HEXA: variants seen among roughly 807,000 people sequenced by gnomAD.
HEXA encodes hexosaminidase subunit alpha.
A neutral mutation model predicts 73.3 loss-of-function variants in HEXA; 54 were observed. The ratio of observed to expected loss-of-function variants is 0.74; its 90% confidence interval spans 0.59 to 0.92. HEXA has a LOEUF of 0.92. Among genes scored for constraint, HEXA ranks in the 40% least tolerant of loss-of-function variants. The pLI is 0.00. For missense variants in HEXA, 649 were observed against 653.0 expected, an observed-to-expected ratio of 0.99 and a Z score of 0.07; for synonymous variants, 230 against 246.9, an observed-to-expected ratio of 0.93 and a Z score of 0.64.
chr15:72,374,348 C>G (rs2089030948), intron 1 of HEXA, among the ~76,000 whole-genome samples: 1 of 152,206 alleles, frequency 6.6e-6, no homozygotes, highest in Non-Finnish European at 1.5e-5. Flanking sequence ...ATCTACCACA[C>G]TCAACAGCAG....
chr15:72,344,864 G>C (rs1206851725), intron 13 of HEXA, among the ~76,000 whole-genome samples: 1 of 152,170 alleles, frequency 6.6e-6, no homozygotes, highest in African/African-American at 2.4e-5. Context: ...CAGAGGCAAA[G>C]GTGTCATGAC....
intron 6 of HEXA, 127 bp from the exon 7 acceptor site, chr15:72,350,777 C>T: frequency 2.0e-6 from 2 of 1,008,062 alleles, no homozygotes; most frequent in Admixed American, 4.1e-5. Context: ...GTGTCAGGGA[C>T]TATCTTCAAA....
At chr15:72,355,811 G>A (rs1567300397) in intron 2 of HEXA, 187 bp from the exon 3 acceptor site, 2 of 628,374 alleles carry the variant, frequency 3.2e-6, no homozygotes, top group African/African-American at 1.8e-5. Flanking sequence ...TCTGGGGCCA[G>A]AGTGGGAGGG....
chr15:72,346,589 T>C lies in HEXA; in HGVS notation c.1268A>G (p.Asn423Ser). The C allele has an allele frequency of 6.2e-7, 1 of 1,614,042 alleles. No individual in the cohort carries two copies. Among genetic ancestry groups the C allele is most frequent in the South Asian group, 1.1e-5 (1 of 91,082 alleles). The stretch of plus-strand genomic sequence containing the variant: ...CCAGTCAGGGCCATAGGATATACGG[T>C]TCAGGTACCAGGGGGCAGAGAGAAG... The part of the protein sequence containing the change: ...RALLSAPWYL[N>S]RISYGPDWKD... The change falls in exon 11 of 14, where the codon AAC becomes AGC. Residue 423 changes from asparagine (N) to serine (S), a missense_variant. Asn to Ser is a conservative substitution (Grantham distance 46). Transcript: ENST00000268097.
At chr15:72,350,318 G>C in intron 7 of HEXA, 200 bp downstream of exon 7, 1 of 657,798 alleles carries the variant, frequency 1.5e-6, no homozygotes, top group Non-Finnish European at 2.7e-6. Context: ...TAGTCTAACA[G>C]TACATATTTT....
In HEXA at chr15:72,346,345, AAC is replaced by A; in HGVS notation, c.1331-22_1331-21del. On this transcript the variant is annotated intron_variant, in intron 11 of 13. Transcript: ENST00000268097. ...GGGTACCTGAGGGAAAACAAGCAAC[AAC>A]AGTCTGGTGATGGTGGGGTAACTCC... 1 of 1,601,572 alleles carries A rather than the reference AAC, an allele frequency of 6.2e-7. No homozygotes were observed. Among genetic ancestry groups the A allele is most frequent in the Non-Finnish European group, 8.6e-7 (1 of 1,168,928 alleles).
At position 72,375,095 on chromosome 15, in the gene HEXA, G is replaced by C. The variant is rs531612453; in HGVS notation, c.253+625C>G. Among the ~76,000 whole-genome samples, 6 of 150,450 alleles carry C rather than the reference G, an allele frequency of 4.0e-5. No homozygotes were observed. The East Asian group carries it at 9.8e-4, about 25-fold the overall frequency. On this transcript the variant is annotated intron_variant, in intron 1 of 13. Transcript: ENST00000268097. ...TTGTTTTGTTTTGTTTGGGGGGGGG[G>C]GTTGTTTTTCTGAGAGGGAGTCTTG...
chr15:72,370,713 G>A (rs200908510), intron 1 of HEXA: 56 of 73,946 alleles, frequency 7.6e-4, no homozygotes, highest in Middle Eastern at 3.7e-3. Flanking sequence ...AAAAAAGAAA[G>A]AAAAGAAAAG....
intron 1 of HEXA, chr15:72,358,332 A>G (rs1382459789): frequency 1.3e-5 from 2 of 152,216 alleles, no homozygotes; most frequent in Admixed American, 6.5e-5. Flanking sequence ...AGCCTGCCAC[A>G]TAAGGAGAAA....
At position 72,351,132 on chromosome 15, in the gene HEXA, C is replaced by A; in HGVS notation, c.672+1G>T. On this transcript the variant is annotated splice_donor_variant, in intron 6 of 13. Transcript: ENST00000268097. LOFTEE classifies it high-confidence loss of function. The stretch of plus-strand genomic sequence containing the variant: ...TTGGTCTGAGTGAAACGGGAACATA[C>A]CTTTCTCATGAGCTCTGGAAAAGTG... The A allele has an allele frequency of 6.3e-7, 1 of 1,586,148 alleles. No individual in the cohort carries two copies. The highest frequency in any genetic ancestry group is 8.7e-7 in the Non-Finnish European group (1 of 1,154,454).
Position 72,362,891 on chromosome 15 carries a change from T to C in HEXA, c.254-6274A>G, listed in dbSNP as rs1026757751. 3.7e-4 allele frequency among the ~76,000 whole-genome samples: 56 copies of C among 152,182 alleles called. 1 individual carries two copies. The highest frequency in any genetic ancestry group is 3.6e-3 in the Admixed American group (55 of 15,296). The stretch of plus-strand genomic sequence containing the variant: ...TTTGATTCACAGAATCCCAGCACTA[T>C]GGAAAAAAAACACATTGGTTTCGGT... On this transcript the variant is annotated intron_variant, in intron 1 of 13. Transcript: ENST00000268097.
intron 3 of HEXA, chr15:72,355,038 G>A: frequency 5.4e-6 from 1 of 185,160 alleles, no homozygotes; most frequent in Non-Finnish European, 1.2e-5. Context: ...CAGTGTCTGT[G>A]GTAGCATCAT....
intron 13 of HEXA, 31 bp downstream of exon 13, chr15:72,345,415 C>G (rs1440384790): frequency 9.3e-6 from 15 of 1,613,694 alleles, no homozygotes; most frequent in Non-Finnish European, 1.3e-5. Flanking sequence ...CTGGCCTGCT[C>G]CGCCTTGCGA....
intron 7 of HEXA, 189 bp downstream of exon 7, chr15:72,350,329 A>C: frequency 1.5e-6 from 1 of 687,118 alleles, no homozygotes; most frequent in South Asian, 1.7e-5. Context: ...TACATATTTT[A>C]ATAGTAAGAA....
At chr15:72,356,193 A>G (rs2088776150) in intron 2 of HEXA, among the ~76,000 whole-genome samples, 1 of 152,214 alleles carries the variant, frequency 6.6e-6, no homozygotes, top group Non-Finnish European at 1.5e-5. Flanking sequence ...ATAAGTGACC[A>G]GAACCCCTGC....
At position 72,343,708 on chromosome 15, in the gene HEXA, T is replaced by G. The variant is rs1336734955; in HGVS notation, c.*369A>C. 6.2e-6 allele frequency: 2 copies of G among 320,654 alleles called. No homozygotes were observed. The highest frequency in any genetic ancestry group is 4.3e-5 in the African/African-American group (2 of 46,414). The allele number at this position is 320,654 out of a possible 1,614,324, so 19.9% of individuals were successfully genotyped here. ...ATTAGGGCAGGTGTCTGGAATATGG[T>G]CAGGAGTGGGAGGGGAGTGACATAG... is the stretch of plus-strand genomic sequence containing the variant. On this transcript the variant is annotated 3_prime_UTR_variant, in exon 14 of 14. Coordinates refer to ENST00000268097, the MANE Select transcript of HEXA (RefSeq NM_000520.6).
intron 1 of HEXA, chr15:72,359,523 T>C (rs10438368): frequency 0.13 from 18,948 of 151,224 alleles, 1,760 homozygotes; most frequent in African/African-American, 0.25. Context: ...GGTGAGACCC[T>C]GTCTCTACTA....
intron 13 of HEXA, among the ~76,000 whole-genome samples, chr15:72,344,656 T>G (rs950733684): frequency 3.9e-5 from 6 of 152,158 alleles, no homozygotes; most frequent in African/African-American, 1.4e-4. Flanking sequence ...CATGCTTCCC[T>G]TATCATCCAA....
chr15:72,352,944 A>G, intron 5 of HEXA, 124 bp downstream of exon 5: 1 of 706,044 alleles, frequency 1.4e-6, no homozygotes, highest in Non-Finnish European at 2.6e-6. Flanking sequence ...GATTACAGGC[A>G]TGAGCCACCA....
Sources: gnomAD v4.1 joint callset for allele counts (sites outside exome capture counted in the v4.1 genomes callset) on GRCh38, gnomAD v4.1.1 for gene constraint, MANE v1.5 for transcripts, NCBI Gene and HGNC (gene_info 2026-07-23, HGNC 2026-07-21) for gene names.